Variants in PCDH7 observed in about 807,000 individuals in gnomAD.
PCDH7 encodes protocadherin-7.
In PCDH7, 17 loss-of-function variants were observed where a neutral mutation model predicts 58.9. The ratio of observed to expected loss-of-function variants is 0.29; its 90% confidence interval spans 0.20 to 0.43. PCDH7 has a LOEUF of 0.43. Ranked by LOEUF, PCDH7 falls within the 20% of genes least tolerant of loss-of-function variation. PCDH7 has a pLI of 1.00. For synonymous variants in PCDH7, 664 were observed against 616.4 expected (o/e 1.08, Z -1.14); for missense variants, 1,274 against 1,441.0 (o/e 0.88, Z 1.88).
At chr4:30,860,648 G>A (rs1375802390) in intron 1 of PCDH7, among the ~76,000 whole-genome samples, 8 of 152,078 alleles carry the variant, frequency 5.3e-5, no homozygotes, top group African/African-American at 1.9e-4. Flanking sequence ...GCCCCAAGAC[G>A]AAAAACAGCG....
At chr4:31,126,484 A>G (rs1168771067) in intron 3 of PCDH7, among the ~76,000 whole-genome samples, 1 of 152,170 alleles carries the variant, frequency 6.6e-6, no homozygotes, top group African/African-American at 2.4e-5. Context: ...ATGAATAAAT[A>G]TAGTTTTGGA....
At chr4:30,868,005 C>G (rs76768960) in intron 1 of PCDH7, among the ~76,000 whole-genome samples, 5,687 of 152,012 alleles carry the variant, frequency 0.037, 185 homozygotes, top group East Asian at 0.14. Flanking sequence ...AAATTTGAAG[C>G]CACATTAGTT....
At chr4:30,790,942 A>G (rs1164987674) in intron 1 of PCDH7, among the ~76,000 whole-genome samples, 2 of 145,304 alleles carry the variant, frequency 1.4e-5, no homozygotes, top group Non-Finnish European at 3.0e-5. Flanking sequence ...AAAACAAAAC[A>G]AACAAACAAA....
intron 3 of PCDH7, among the ~76,000 whole-genome samples, chr4:31,099,317 A>G (rs1412515741): frequency 6.6e-6 from 1 of 152,180 alleles, no homozygotes; most frequent in Non-Finnish European, 1.5e-5. Flanking sequence ...CCTTTATACA[A>G]GCAGCATATA....
At chr4:31,108,215 A>G (rs1341857674) in intron 3 of PCDH7, among the ~76,000 whole-genome samples, 1 of 151,984 alleles carries the variant, frequency 6.6e-6, no homozygotes, top group Admixed American at 6.6e-5. Context: ...CTACCCTAGT[A>G]AAAGGTGAGT....
chr4:30,846,576 T>A (rs1731994843), intron 1 of PCDH7, among the ~76,000 whole-genome samples: 1 of 152,068 alleles, frequency 6.6e-6, no homozygotes, highest in Non-Finnish European at 1.5e-5. Context: ...TGTGGGTAGC[T>A]GTCCTGTGCA....
At chr4:30,726,281 G>A (rs1714598777) in intron 1 of PCDH7, among the ~76,000 whole-genome samples, 1 of 152,034 alleles carries the variant, frequency 6.6e-6, no homozygotes, top group Non-Finnish European at 1.5e-5. Flanking sequence ...GCAAAGGAGT[G>A]TGAAGAGATC....
At chr4:31,144,069 A>G (rs1374236172), downstream of PCDH7, 2 of 152,172 alleles carry the variant, frequency 1.3e-5, no homozygotes, top group African/African-American at 4.8e-5. Context: ...AATCCAGGCT[A>G]TGCTTGCTGC....
At chr4:30,752,093 TCTTTA>T (rs1407790685) in intron 1 of PCDH7, among the ~76,000 whole-genome samples, 1 of 152,104 alleles carries the variant, frequency 6.6e-6, no homozygotes, top group Non-Finnish European at 1.5e-5. Flanking sequence ...CTTCCACGCT[TCTTTA>T]CTTTGCTTTT....
chr4:30,739,386 C>G (rs553747801), intron 1 of PCDH7, among the ~76,000 whole-genome samples: 1 of 149,454 alleles, frequency 6.7e-6, no homozygotes, highest in East Asian at 1.9e-4. Context: ...ATATTATAAA[C>G]TTTAACAGTT....
chr4:30,802,948 T>G (rs1320723321), intron 1 of PCDH7, among the ~76,000 whole-genome samples: 2 of 152,050 alleles, frequency 1.3e-5, no homozygotes, highest in East Asian at 3.9e-4. Flanking sequence ...ACTGATTTGG[T>G]AATGGGATTG....
At chr4:30,804,611 G>A (rs760610087) in intron 1 of PCDH7, among the ~76,000 whole-genome samples, 1 of 151,942 alleles carries the variant, frequency 6.6e-6, no homozygotes, top group Non-Finnish European at 1.5e-5. Flanking sequence ...ATGTGAGGAT[G>A]CAGAAACAAT....
chr4:30,940,428 T>G (rs752666705), intron 2 of PCDH7, among the ~76,000 whole-genome samples: 2 of 152,020 alleles, frequency 1.3e-5, no homozygotes, highest in Non-Finnish European at 2.9e-5. Context: ...ATCCCAACAT[T>G]ATAGCCACTT....
At chr4:31,000,295 AT>A (rs1360287854) in intron 3 of PCDH7, among the ~76,000 whole-genome samples, 2 of 152,092 alleles carry the variant, frequency 1.3e-5, no homozygotes, top group Admixed American at 1.3e-4. Flanking sequence ...CTTTTTTCAT[AT>A]TCAAAAACAG....
intron 1 of PCDH7, among the ~76,000 whole-genome samples, chr4:30,909,843 G>A (rs767536132): frequency 2.0e-5 from 3 of 151,948 alleles, no homozygotes; most frequent in Non-Finnish European, 4.4e-5. Flanking sequence ...TTCATTCGGA[G>A]CCAAAAAAGA....
At chr4:30,932,731 G>A (rs979693586) in intron 2 of PCDH7, among the ~76,000 whole-genome samples, 1 of 152,080 alleles carries the variant, frequency 6.6e-6, no homozygotes, top group African/African-American at 2.4e-5. Context: ...CCTCTGGGTG[G>A]TATCTGTAAA....
intron 1 of PCDH7, among the ~76,000 whole-genome samples, chr4:30,757,417 A>G (rs1246829667): frequency 6.6e-6 from 1 of 152,212 alleles, no homozygotes; most frequent in African/African-American, 2.4e-5. Context: ...GCAAATGATT[A>G]TCAATCTGCA....
intron 1 of PCDH7, among the ~76,000 whole-genome samples, chr4:30,867,168 G>A (rs1177492239): frequency 6.6e-6 from 1 of 151,990 alleles, no homozygotes; most frequent in Non-Finnish European, 1.5e-5. Context: ...TGACTTCCCA[G>A]AAATGTAAAC....
chr4:30,945,846 G>A (rs1173529180), intron 2 of PCDH7, among the ~76,000 whole-genome samples: 1 of 152,126 alleles, frequency 6.6e-6, no homozygotes, highest in Non-Finnish European at 1.5e-5. Flanking sequence ...ACCCAAGGCT[G>A]ATCTTAATTC....
Sources: allele counts gnomAD v4.1 joint callset (sites outside exome capture counted in the v4.1 genomes callset), GRCh38; gene constraint gnomAD v4.1.1; transcripts MANE v1.5; gene names NCBI Gene and HGNC (gene_info 2026-07-23, HGNC 2026-07-21).